MARCHF2: variants seen among roughly 807,000 people sequenced by gnomAD.
MARCHF2 encodes the protein membrane associated ring-CH-type finger 2, also known as E3 ubiquitin-protein ligase MARCHF2.
MARCHF2 carries 22 observed loss-of-function variants against 24.0 expected under a neutral mutation model. The observed-to-expected ratio is 0.92, with a 90% CI of 0.66 to 1.31. The LOEUF is 1.31. Ranked by LOEUF, MARCHF2 falls within the 50% of genes most tolerant of loss-of-function variation. MARCHF2 has a pLI of 0.00. For missense variants in MARCHF2, 301 were observed against 335.3 expected (o/e 0.90, Z 0.80); for synonymous variants, 154 against 153.0 (o/e 1.01, Z -0.05).
At chr19:8,414,825 C>G (rs1462983644) in intron 1 of MARCHF2, among the ~76,000 whole-genome samples, 1 of 152,132 alleles carries the variant, frequency 6.6e-6, no homozygotes, top group Non-Finnish European at 1.5e-5. Flanking sequence ...GACCCCTCCA[C>G]GGACAGAGTC....
chr19:8,429,666 A>G (rs534334907), intron 3 of MARCHF2, among the ~76,000 whole-genome samples: 196 of 151,418 alleles, frequency 1.3e-3, no homozygotes, highest in African/African-American at 4.3e-3. Context: ...TACCACGCCC[A>G]GCTAATTTTG....
At chr19:8,432,046 T>C (rs572667057) in intron 4 of MARCHF2, among the ~76,000 whole-genome samples, 1 of 152,006 alleles carries the variant, frequency 6.6e-6, no homozygotes, top group East Asian at 1.9e-4. Flanking sequence ...TCATCCCAGC[T>C]ACTAGGGAAG....
chr19:8,422,364 G>A (rs1040106800), intron 2 of MARCHF2, among the ~76,000 whole-genome samples: 5 of 152,046 alleles, frequency 3.3e-5, no homozygotes, highest in Non-Finnish European at 4.4e-5. Flanking sequence ...CTCTCCCAGA[G>A]TGACCTGGGA....
At chr19:8,414,185 G>T (rs1967019274) in intron 1 of MARCHF2, among the ~76,000 whole-genome samples, 1 of 152,118 alleles carries the variant, frequency 6.6e-6, no homozygotes, top group South Asian at 2.1e-4. Flanking sequence ...AACTCTGTAA[G>T]CTGATGATAG....
rs1460402412 is a variant in MARCHF2 at position 8,438,739 on chromosome 19, T to G, written c.*193T>G. 4.9e-5 allele frequency: 30 copies of G among 616,938 alleles called. No individual in the cohort carries two copies. The highest frequency in any genetic ancestry group is 1.5e-4 in the East Asian group (5 of 34,316). The allele number at this position is 616,938 out of a possible 1,614,324, so 38.2% of individuals were successfully genotyped here. ...GAAGATATTTTCAGGGTTTTTTTTT[T>G]TTTTTTTTTGCATATGGAGGACAGG... On this transcript the variant is annotated 3_prime_UTR_variant, in exon 5 of 5. Transcript: ENST00000215555.
chr19:8,435,758 T>C (rs1406853437), intron 4 of MARCHF2, among the ~76,000 whole-genome samples: 1 of 151,558 alleles, frequency 6.6e-6, no homozygotes, highest in Non-Finnish European at 1.5e-5. Flanking sequence ...GTATCTGGTC[T>C]TAAACTCCTG....
At chr19:8,423,002 CGT>C (rs1967294754) in intron 2 of MARCHF2, among the ~76,000 whole-genome samples, 5 of 121,572 alleles carry the variant, frequency 4.1e-5, no homozygotes, top group African/African-American at 6.5e-5. Flanking sequence ...CGCGCCTGGC[CGT>C]GCTCAACAAA....
chr19:8,434,033 G>A (rs1340363172), intron 4 of MARCHF2, among the ~76,000 whole-genome samples: 2 of 151,924 alleles, frequency 1.3e-5, no homozygotes, highest in Non-Finnish European at 1.5e-5. Flanking sequence ...CCAGCTGTAG[G>A]GGAGTCCCTG....
At chr19:8,419,668 T>G (rs1432006834) in intron 1 of MARCHF2, among the ~76,000 whole-genome samples, 1 of 147,052 alleles carries the variant, frequency 6.8e-6, no homozygotes, top group Non-Finnish European at 1.5e-5. Flanking sequence ...TAGAAAAAAT[T>G]AGCCGGGCGT....
At chr19:8,413,840 A>C (rs1307526064) in intron 1 of MARCHF2, 1 of 152,376 alleles carries the variant, frequency 6.6e-6, no homozygotes, top group East Asian at 1.9e-4. Flanking sequence ...AAAGATGCTG[A>C]AACAGGATGC....
intron 1 of MARCHF2, among the ~76,000 whole-genome samples, chr19:8,419,448 C>T (rs1239683261): frequency 5.3e-5 from 8 of 151,918 alleles, no homozygotes; most frequent in Admixed American, 2.0e-4. Context: ...GAGCCAAGAT[C>T]GCGCCATTGC....
At chr19:8,428,345 T>C (rs944595252) in intron 3 of MARCHF2, among the ~76,000 whole-genome samples, 2 of 147,976 alleles carry the variant, frequency 1.4e-5, no homozygotes, top group East Asian at 2.0e-4. Context: ...GCTTGAACCC[T>C]AGGGAGGCTG....
chr19:8,428,446 C>A (rs1003796709), intron 3 of MARCHF2, among the ~76,000 whole-genome samples: 4 of 151,568 alleles, frequency 2.6e-5, no homozygotes, highest in African/African-American at 7.3e-5. Context: ...TGAGACTAAG[C>A]CACTGCACTC....
chr19:8,426,697 G>A lies in MARCHF2; in HGVS notation c.265G>A (p.Val89Met), dbSNP rs773208899. ...PCGCTGTLGA[V>M]HKSCLEKWLS... The stretch of plus-strand genomic sequence containing the variant: ...TGGCTGCACCGGCACGCTGGGTGCC[G>A]TGCATAAGAGCTGTCTGGAGAAGTG... Residue 89 changes from valine (V) to methionine (M), a missense_variant, in exon 3 of 5, where the codon GTG (valine) becomes ATG (methionine). Transcript: ENST00000215555. 1.3e-5 allele frequency: 21 copies of A among 1,613,700 alleles called. No individual in the cohort carries two copies. The highest frequency in any genetic ancestry group is 9.3e-6 in the Non-Finnish European group (11 of 1,180,022).
chr19:8,426,501 C>T lies in MARCHF2; in HGVS notation c.177-108C>T, dbSNP rs1157351741. 7 of 826,058 alleles carry T rather than the reference C, an allele frequency of 8.5e-6. No homozygotes were observed. In the African/African-American group the frequency reaches 1.0e-4, roughly 12 times the overall value. The allele number at this position is 826,058 out of a possible 1,614,324, so 51.2% of individuals were successfully genotyped here. ...GGGCATTGAAGGATGAGTAGGAGTT[C>T]ACTAAGTGGCAGCATGGGGTAAGGG... is the stretch of plus-strand genomic sequence containing the variant. On this transcript the variant is annotated intron_variant, in intron 2 of 4. Coordinates refer to ENST00000215555, the MANE Select transcript of MARCHF2 (RefSeq NM_001005415.2).
chr19:8,428,790 A>G (rs1345977099), intron 3 of MARCHF2, among the ~76,000 whole-genome samples: 1 of 150,288 alleles, frequency 6.7e-6, no homozygotes, highest in Non-Finnish European at 1.5e-5. Flanking sequence ...GTGGTAAAAC[A>G]CCGTCTCTAC....
rs753773528 is a variant in MARCHF2 at position 8,430,810 on chromosome 19, C to T, written c.525C>T (p.Ala175=). 10 of 1,610,716 alleles carry T rather than the reference C, an allele frequency of 6.2e-6. No homozygotes were observed. The highest frequency in any genetic ancestry group is 2.7e-5 in the African/African-American group (2 of 74,934). The stretch of plus-strand genomic sequence containing the variant: ...TCCGGCTCCACAGCCAGCTGGAGGC[C>T]GTGGGTCTCATTGCCCTCACCATCG... ...DHLRLHSQLE[A]VGLIALTIAL... is the part of the protein sequence containing the mutation. The change falls in exon 4 of 5, where the codon GCC becomes GCT. Residue 175 remains alanine, a synonymous_variant. Coordinates refer to ENST00000215555, the MANE Select transcript of MARCHF2 (RefSeq NM_001005415.2). The surrounding 1 kb of genome is among the most constrained non-coding windows in gnomAD (Gnocchi z 4.4).
At chr19:8,433,470 A>G (rs1245561956) in intron 4 of MARCHF2, among the ~76,000 whole-genome samples, 1 of 151,886 alleles carries the variant, frequency 6.6e-6, no homozygotes, top group Non-Finnish European at 1.5e-5. Context: ...CGAGGTCAGG[A>G]GTTCAAGACC....
At position 8,426,697 on chromosome 19, in the gene MARCHF2, G is replaced by C. The variant is rs773208899; in HGVS notation, c.265G>C (p.Val89Leu). 1 of 1,613,818 alleles carries C rather than the reference G, an allele frequency of 6.2e-7. No individual in the cohort carries two copies. Among genetic ancestry groups the C allele is most frequent in the Non-Finnish European group, 8.5e-7 (1 of 1,180,014 alleles). The change falls in exon 3 of 5, where the codon GTG becomes CTG. Residue 89 changes from valine (V) to leucine (L), a missense_variant. Val to Leu is a conservative substitution (Grantham distance 32, BLOSUM62 1). Transcript: ENST00000215555. ...TGGCTGCACCGGCACGCTGGGTGCCGTGCATAAGAGCTGTCTGGAGAAGTG... is the reference window on the plus strand; with the variant it reads ...TGGCTGCACCGGCACGCTGGGTGCCCTGCATAAGAGCTGTCTGGAGAAGTG... ...PCGCTGTLGAVHKSCLEKWLS... is the reference protein window; with the variant it reads ...PCGCTGTLGALHKSCLEKWLS...
Sources: gnomAD v4.1 joint callset for allele counts (sites outside exome capture counted in the v4.1 genomes callset) on GRCh38, gnomAD v4.1.1 for gene constraint, Gnocchi (gnomAD v3.1) non-coding constraint, MANE v1.5 for transcripts, NCBI Gene and HGNC (gene_info 2026-07-23, HGNC 2026-07-21) for gene names.